The following CENPP variants were observed in gnomAD, a reference collection of about 807,000 sequenced individuals.
CENPP encodes the protein centromere protein P.
A neutral mutation model predicts 35.6 loss-of-function variants in CENPP; 24 were observed. The ratio of observed to expected loss-of-function variants is 0.67; its 90% confidence interval spans 0.49 to 0.95. The LOEUF is 0.95. CENPP is among the 40% of genes least tolerant of loss of function. CENPP has a pLI of 0.00. For missense variants in CENPP, 332 were observed against 345.3 expected, an observed-to-expected ratio of 0.96 and a Z score of 0.31; for synonymous variants, 120 against 125.5, an observed-to-expected ratio of 0.96 and a Z score of 0.29.
chr9:92,573,280 T>G (rs917020703), intron 5 of CENPP, among the ~76,000 whole-genome samples: 1 of 152,338 alleles, frequency 6.6e-6, no homozygotes, highest in Admixed American at 6.5e-5. Context: ...GGGGTTTTGG[T>G]GTGGATGTCC....
chr9:92,562,295 C>G (rs1849868112), intron 5 of CENPP, among the ~76,000 whole-genome samples: 1 of 150,780 alleles, frequency 6.6e-6, no homozygotes, highest in African/African-American at 2.4e-5. Context: ...ACCTCTACCT[C>G]CCAGGTTCAA....
chr9:92,414,566 C>CT (rs1843531988), intron 5 of CENPP: 1 of 209,274 alleles, frequency 4.8e-6, no homozygotes. Context: ...TCCTTAGTAC[C>CT]TGGATGGCCT....
intron 5 of CENPP, chr9:92,502,560 G>T (rs756524153): frequency 1.2e-6 from 2 of 1,612,508 alleles, no homozygotes; most frequent in Non-Finnish European, 1.7e-6. Flanking sequence ...CTTCAATTTT[G>T]TTATAACGTA....
Position 92,613,047 on chromosome 9 carries a change from A to G in CENPP, c.765A>G (p.Ile255Met), listed in dbSNP as rs1564022368. The change falls in exon 8 of 8, where the codon ATA becomes ATG. Residue 255 changes from isoleucine (I) to methionine (M), a missense_variant. Transcript: ENST00000375587. ...TGGAGCTGGACAAGAACAGAGCCAT[A>G]GAAACTGCTCCTCTCAGCTTCCGAA... is the stretch of plus-strand genomic sequence containing the variant. ...RALELDKNRA[I>M]ETAPLSFRTL... 1 of 1,614,086 alleles carries G rather than the reference A, an allele frequency of 6.2e-7. No homozygotes were observed. The highest frequency in any genetic ancestry group is 8.5e-7 in the Non-Finnish European group (1 of 1,180,030).
intron 5 of CENPP, chr9:92,386,161 A>G: frequency 4.9e-6 from 7 of 1,425,532 alleles, no homozygotes; most frequent in Non-Finnish European, 6.9e-6. Flanking sequence ...TTTGACTCAT[A>G]GGTAATTAGA....
chr9:92,361,523 A>G (rs1264129858), intron 4 of CENPP, among the ~76,000 whole-genome samples: 3 of 149,392 alleles, frequency 2.0e-5, no homozygotes, highest in African/African-American at 7.4e-5. Flanking sequence ...TCTGTCACCC[A>G]GGCTGGAGTG....
chr9:92,425,068 A>G (rs1843927007), intron 5 of CENPP, among the ~76,000 whole-genome samples: 1 of 152,234 alleles, frequency 6.6e-6, no homozygotes, highest in Non-Finnish European at 1.5e-5. Context: ...AGGATTAGAA[A>G]CATAACATTT....
intron 5 of CENPP, among the ~76,000 whole-genome samples, chr9:92,383,605 A>G (rs778425575): frequency 4.1e-4 from 63 of 152,216 alleles, no homozygotes; most frequent in Non-Finnish European, 5.9e-4. Context: ...TATCTTCTGA[A>G]TCTTGGTGGT....
chr9:92,355,716 A>G (rs542532650), intron 4 of CENPP, among the ~76,000 whole-genome samples: 8 of 152,384 alleles, frequency 5.2e-5, no homozygotes, highest in Non-Finnish European at 8.8e-5. Flanking sequence ...GAGACATTTC[A>G]TATGCATAAA....
At chr9:92,576,334 C>T (rs1459719231) in intron 5 of CENPP, among the ~76,000 whole-genome samples, 2 of 152,096 alleles carry the variant, frequency 1.3e-5, no homozygotes, top group East Asian at 3.9e-4. Flanking sequence ...TTGCTAAAGG[C>T]AAAGGGAGGA....
At chr9:92,402,038 C>T (rs72752454) in intron 5 of CENPP, among the ~76,000 whole-genome samples, 4,671 of 152,098 alleles carry the variant, frequency 0.031, 111 homozygotes, top group South Asian at 0.084. Context: ...TATCTTAGAC[C>T]CTGCATTTAT....
chr9:92,373,185 G>T (rs943331219), intron 4 of CENPP, among the ~76,000 whole-genome samples: 6 of 152,060 alleles, frequency 3.9e-5, no homozygotes, highest in Non-Finnish European at 8.8e-5. Flanking sequence ...CACTTTGGGA[G>T]GCTGAGATGG....
chr9:92,530,070 CAGG>C (rs937178087), intron 5 of CENPP, among the ~76,000 whole-genome samples: 7 of 151,936 alleles, frequency 4.6e-5, no homozygotes, highest in Non-Finnish European at 8.8e-5. Context: ...TTAAAGTATA[CAGG>C]AGGATATGTG....
At chr9:92,378,337 T>C (rs975728747) in intron 4 of CENPP, among the ~76,000 whole-genome samples, 4 of 152,154 alleles carry the variant, frequency 2.6e-5, no homozygotes, top group African/African-American at 9.7e-5. Flanking sequence ...CTCCGTTGGT[T>C]AGAGGGAATG....
intron 5 of CENPP, among the ~76,000 whole-genome samples, chr9:92,492,500 G>A (rs1018205082): frequency 1.3e-5 from 2 of 152,160 alleles, no homozygotes; most frequent in South Asian, 2.1e-4. Context: ...GTCATCTTAC[G>A]GAGTAATTAA....
chr9:92,590,891 C>T (rs938702800), intron 5 of CENPP, among the ~76,000 whole-genome samples: 2 of 152,240 alleles, frequency 1.3e-5, no homozygotes, highest in African/African-American at 2.4e-5. Context: ...TTTATTCAAA[C>T]GTGATGCAGC....
At chr9:92,389,259 G>T (rs1842568748) in intron 5 of CENPP, among the ~76,000 whole-genome samples, 2 of 152,148 alleles carry the variant, frequency 1.3e-5, no homozygotes, top group Admixed American at 1.3e-4. Flanking sequence ...GAGACAAATT[G>T]TCTACCTAAA....
intron 5 of CENPP, among the ~76,000 whole-genome samples, chr9:92,526,400 G>A (rs1848413240): frequency 6.6e-6 from 1 of 152,082 alleles, no homozygotes; most frequent in Non-Finnish European, 1.5e-5. Flanking sequence ...TGAAAACACA[G>A]CACACCAAAA....
chr9:92,474,481 G>C, intron 5 of CENPP: 12 of 1,203,184 alleles, frequency 1.0e-5, no homozygotes, highest in Non-Finnish European at 1.3e-5. Context: ...TTTGGGGTTT[G>C]CTGTACTTTC....
Sources: gnomAD v4.1 joint callset for allele counts (sites outside exome capture counted in the v4.1 genomes callset) on GRCh38, gnomAD v4.1.1 for gene constraint, MANE v1.5 for transcripts, NCBI Gene and HGNC (gene_info 2026-07-23, HGNC 2026-07-21) for gene names.